EML5: variants seen among roughly 807,000 people sequenced by gnomAD.
EML5 encodes the protein EMAP like 5.
A neutral mutation model predicts 250.0 loss-of-function variants in EML5; 120 were observed. That is an observed-to-expected ratio of 0.48 (90% CI 0.41 to 0.56). EML5 has a LOEUF of 0.56. EML5 is among the 20% of genes least tolerant of loss of function. The probability of loss-of-function intolerance (pLI) is 0.00; values close to 1 mark genes in which losing one functional copy is unlikely to be tolerated. For missense variants in EML5, 2,006 were observed against 2,437.6 expected, an observed-to-expected ratio of 0.82 and a Z score of 3.73; for synonymous variants, 771 against 806.5, an observed-to-expected ratio of 0.96 and a Z score of 0.75.
intron 2 of EML5, among the ~76,000 whole-genome samples, chr14:88,751,686 A>G (rs1264378177): frequency 6.6e-6 from 1 of 152,166 alleles, no homozygotes; most frequent in Non-Finnish European, 1.5e-5. Flanking sequence ...TCACCCAGAG[A>G]ATGTAAGTAA....
chr14:88,633,350 C>T (rs1302338671), intron 33 of EML5, among the ~76,000 whole-genome samples: 1 of 151,008 alleles, frequency 6.6e-6, no homozygotes, highest in Non-Finnish European at 1.5e-5. Context: ...GAACTCCTGG[C>T]CTCGGAACTC....
intron 7 of EML5, among the ~76,000 whole-genome samples, chr14:88,735,803 C>T (rs2093829934): frequency 6.6e-6 from 1 of 152,042 alleles, no homozygotes; most frequent in Non-Finnish European, 1.5e-5. Context: ...GAATAAATTA[C>T]AGTATATCCA....
At chr14:88,663,560 C>T (rs1483628859) in intron 23 of EML5, among the ~76,000 whole-genome samples, 1 of 152,040 alleles carries the variant, frequency 6.6e-6, no homozygotes, top group African/African-American at 2.4e-5. Context: ...AGTCATATGC[C>T]ATGCATTCTG....
At position 88,614,216 on chromosome 14, in the gene EML5, TTTAA is replaced by T. The variant is rs2087252182; in HGVS notation, c.*1598_*1601del. 1 of 152,212 alleles carries T rather than the reference TTTAA, an allele frequency of 6.6e-6. No individual in the cohort carries two copies. The highest frequency in any genetic ancestry group is 2.4e-5 in the African/African-American group (1 of 41,456). 9.4% of individuals were successfully genotyped at this position (152,212 alleles called of 1,614,324 possible). ...GGTTGTTCAGGGATTTTTTTCCTCC[TTTAA>T]TTTATTGACTGACTGTAAATACATG... On this transcript the variant is annotated 3_prime_UTR_variant, in exon 44 of 44. Coordinates refer to ENST00000554922, the MANE Select transcript of EML5 (RefSeq NM_183387.3).
Position 88,681,922 on chromosome 14 carries a change from T to A in EML5, c.3092A>T (p.His1031Leu). The A allele has an allele frequency of 6.2e-7, 1 of 1,612,394 alleles. No homozygotes were observed. The highest frequency in any genetic ancestry group is 8.5e-7 in the Non-Finnish European group (1 of 1,179,260). The stretch of plus-strand genomic sequence containing the variant: ...CAGCTTCCGGACAGCCAACATACAA[T>A]GACTAGGTGAGAGATCCCATATTCT... ...TLRIWDLSPS[H>L]CMLAVRKLKK... The change falls in exon 21 of 44, where the codon CAT becomes CTT. Residue 1031 changes from histidine to leucine, a missense_variant. Physicochemically the swap from His to Leu is moderately conservative, Grantham distance 99. Transcript: ENST00000554922.
intron 21 of EML5, among the ~76,000 whole-genome samples, chr14:88,666,154 G>A (rs145378769): frequency 3.3e-5 from 5 of 152,318 alleles, no homozygotes; most frequent in Admixed American, 3.3e-4. Flanking sequence ...ATATGTGGAA[G>A]TTTTGCAGAG....
intron 1 of EML5, among the ~76,000 whole-genome samples, chr14:88,762,515 GA>G (rs1254901991): frequency 3.3e-5 from 5 of 150,024 alleles, no homozygotes; most frequent in South Asian, 2.1e-4. Context: ...CATCTCGGGG[GA>G]AAAAAAAAGA....
intron 41 of EML5, 119 bp downstream of exon 41, chr14:88,618,109 A>C (rs887381606): frequency 1.4e-6 from 1 of 696,914 alleles, no homozygotes; most frequent in Non-Finnish European, 2.3e-6. Flanking sequence ...AAAATATGGT[A>C]ACAAAAACTT....
In EML5 at chr14:88,792,465, G is replaced by A. The variant is rs1376442808; in HGVS notation, c.39C>T (p.Leu13=). ...ARSAPSCHLR[L]EWVYGYRGHQ... ...GGCCCCGGTAGCCGTACACCCACTCGAGCCGCAGGTGGCAGCTCGGGGCGC... is the reference window on the plus strand; with the variant it reads ...GGCCCCGGTAGCCGTACACCCACTCAAGCCGCAGGTGGCAGCTCGGGGCGC... Residue 13 remains leucine (L), a synonymous_variant, in exon 1 of 44, where the codon CTC becomes CTT. Transcript: ENST00000554922. This position sits in a 1 kb window ranked among gnomAD's most constrained non-coding sequence, Gnocchi z 6.9. 9.3e-6 allele frequency: 14 copies of A among 1,502,552 alleles called. No homozygotes were observed. Among genetic ancestry groups the A allele is most frequent in the Non-Finnish European group, 1.2e-5 (13 of 1,123,560 alleles). 93.1% of individuals were successfully genotyped at this position (1,502,552 alleles called of 1,614,324 possible).
At chr14:88,662,719 T>A (rs1341783682) in intron 24 of EML5, among the ~76,000 whole-genome samples, 2 of 151,754 alleles carry the variant, frequency 1.3e-5, no homozygotes, top group African/African-American at 2.4e-5. Flanking sequence ...ATTTTTTGTA[T>A]TTTTTTGTAG....
At chr14:88,762,510 C>T (rs551242980) in intron 1 of EML5, among the ~76,000 whole-genome samples, 1 of 151,034 alleles carries the variant, frequency 6.6e-6, no homozygotes, top group Admixed American at 6.6e-5. Context: ...AACTCCATCT[C>T]GGGGGAAAAA....
At chr14:88,696,805 C>G (rs1247595977) in intron 15 of EML5, 42 bp downstream of exon 15, 1 of 1,418,562 alleles carries the variant, frequency 7.0e-7, no homozygotes, top group South Asian at 1.3e-5. Flanking sequence ...TGTGTTGCCT[C>G]TGCATTTTGT....
intron 33 of EML5, among the ~76,000 whole-genome samples, chr14:88,631,626 T>C (rs1595284603): frequency 6.6e-6 from 1 of 152,152 alleles, no homozygotes; most frequent in Non-Finnish European, 1.5e-5. Context: ...AAAAGTTAGC[T>C]GGGCGTGGTG....
rs116166158 is a variant in EML5 at position 88,635,022 on chromosome 14, C to A, written c.4337-533G>T. 3.6e-3 allele frequency among the ~76,000 whole-genome samples: 546 copies of A among 152,262 alleles called. 3 individuals are homozygous for A. The highest frequency in any genetic ancestry group is 0.013 in the African/African-American group (524 of 41,580). ...TATAACTCAAGAAAGGAAAAAAGTT[C>A]TTTCTTTCAACTAAAGATTTTCCAT... On this transcript the variant is annotated intron_variant, in intron 32 of 43. Transcript: ENST00000554922.
Position 88,620,813 on chromosome 14 carries a change from C to CA in EML5, c.5315dup (p.Ser1773GlufsTer18), listed in dbSNP as rs1351015934. On this transcript the variant is annotated frameshift_variant, in exon 39 of 44. Coordinates refer to ENST00000554922, the MANE Select transcript of EML5 (RefSeq NM_183387.3). LOFTEE classifies it high-confidence loss of function. This position sits in a 1 kb window ranked among gnomAD's most constrained non-coding sequence, Gnocchi z 4.3. ...TCTTTCCCCATATTTTTAGAGAACT[C>CA]ACTAGTAAAATGATAAATTCTCCAT... is the stretch of plus-strand genomic sequence containing the variant. The CA allele has an allele frequency of 6.2e-7, 1 of 1,608,646 alleles. No homozygotes were observed. The highest frequency in any genetic ancestry group is 8.5e-7 in the Non-Finnish European group (1 of 1,177,794).
At chr14:88,675,412 G>C (rs1464042308) in intron 21 of EML5, among the ~76,000 whole-genome samples, 1 of 152,216 alleles carries the variant, frequency 6.6e-6, no homozygotes, top group Non-Finnish European at 1.5e-5. Context: ...TGAGGCTTCT[G>C]ATCTGAAGCA....
intron 1 of EML5, among the ~76,000 whole-genome samples, chr14:88,764,828 T>C (rs1368566661): frequency 1.3e-5 from 2 of 152,250 alleles, no homozygotes; most frequent in East Asian, 3.8e-4. Context: ...TTCTGTTCTG[T>C]GTTACTGATT....
intron 9 of EML5, among the ~76,000 whole-genome samples, chr14:88,713,086 A>C (rs1202375429): frequency 6.6e-6 from 1 of 152,170 alleles, no homozygotes; most frequent in African/African-American, 2.4e-5. Context: ...CCTAAGCGTC[A>C]CAACAAATAA....
At position 88,688,486 on chromosome 14, in the gene EML5, A is replaced by G. The variant is rs2092887326; in HGVS notation, c.2540-13T>C. Reference sequence around the variant, plus strand: ...ATCAATCCTCCCCCTAGTTCACAAAAAATATTATGAAAGTACCACTTTCAA... The same window carrying G: ...ATCAATCCTCCCCCTAGTTCACAAAGAATATTATGAAAGTACCACTTTCAA... On this transcript the variant is annotated splice_polypyrimidine_tract_variant and intron_variant, in intron 17 of 43. Coordinates refer to ENST00000554922, the MANE Select transcript of EML5 (RefSeq NM_183387.3). The G allele has an allele frequency of 3.1e-6, 5 of 1,611,748 alleles. No homozygotes were observed. The highest frequency in any genetic ancestry group is 3.3e-4 in the Middle Eastern group (2 of 6,058).
Sources: allele counts gnomAD v4.1 joint callset (sites outside exome capture counted in the v4.1 genomes callset), GRCh38; gene constraint gnomAD v4.1.1; non-coding constraint Gnocchi (gnomAD v3.1); transcripts MANE v1.5; gene names NCBI Gene and HGNC (gene_info 2026-07-23, HGNC 2026-07-21).